PARD3B: variants seen among roughly 807,000 people sequenced by gnomAD.
PARD3B encodes partitioning defective 3 homolog B.
A neutral mutation model predicts 130.2 loss-of-function variants in PARD3B; 103 were observed. That is an observed-to-expected ratio of 0.79 (90% CI 0.67 to 0.93). The LOEUF (loss-of-function observed/expected upper bound fraction) is 0.93. Among genes scored for constraint, PARD3B ranks in the 40% least tolerant of loss-of-function variants. PARD3B has a pLI of 0.00. For missense variants in PARD3B, 1,609 were observed against 1,499.2 expected (o/e 1.07, Z -1.21); for synonymous variants, 583 against 553.2 (o/e 1.05, Z -0.76).
intron 1 of PARD3B, among the ~76,000 whole-genome samples, chr2:204,590,810 A>G (rs1402701190): frequency 6.6e-6 from 1 of 152,194 alleles, no homozygotes; most frequent in African/African-American, 2.4e-5. Context: ...TCTGACCTTC[A>G]CTTTTTAGGA....
At chr2:204,836,615 C>G (rs1013224489) in intron 2 of PARD3B, among the ~76,000 whole-genome samples, 3 of 152,116 alleles carry the variant, frequency 2.0e-5, no homozygotes, top group Non-Finnish European at 2.9e-5. Context: ...GCGCCAAGAT[C>G]GTGCCACTGC....
At position 205,280,500 on chromosome 2, in the gene PARD3B, C is replaced by T. The variant is rs1295416092; in HGVS notation, c.2186-20030C>T. 6.6e-6 allele frequency among the ~76,000 whole-genome samples: 1 copy of T among 152,200 alleles called. No individual in the cohort carries two copies. Among genetic ancestry groups the T allele is most frequent in the African/African-American group, 2.4e-5 (1 of 41,444 alleles). On this transcript the variant is annotated intron_variant, in intron 16 of 22. Coordinates refer to ENST00000406610, the MANE Select transcript of PARD3B (RefSeq NM_001302769.2). This position sits in a 1 kb window ranked among gnomAD's most constrained non-coding sequence, Gnocchi z 4.7. ...CAGAGTTCAGCCTGGGAGAAAGGAA[C>T]TATTGAAAACCTTTTCTGTTTCCTT...
chr2:205,563,303 A>C lies in PARD3B; in HGVS notation c.3260+9900A>C, dbSNP rs1395005345. Among the ~76,000 whole-genome samples, 2 of 152,206 alleles carry C rather than the reference A, an allele frequency of 1.3e-5. No individual in the cohort carries two copies. The highest frequency in any genetic ancestry group is 2.9e-5 in the Non-Finnish European group (2 of 68,036). The stretch of plus-strand genomic sequence containing the variant: ...CCTATTGCGTGCCTTCTATGTCTGT[A>C]CGTTTTGCATGCCTTGTCTCATTTT... On this transcript the variant is annotated intron_variant, in intron 22 of 22. Coordinates refer to ENST00000406610, the MANE Select transcript of PARD3B (RefSeq NM_001302769.2). This position sits in a 1 kb window ranked among gnomAD's most constrained non-coding sequence, Gnocchi z 4.2.
chr2:205,549,087 G>C (rs2052504462), intron 21 of PARD3B, among the ~76,000 whole-genome samples: 1 of 152,136 alleles, frequency 6.6e-6, no homozygotes, highest in Admixed American at 6.6e-5. Flanking sequence ...ACACCTATTA[G>C]AATGGCTACA....
chr2:205,567,135 C>T (rs902356603), intron 22 of PARD3B, among the ~76,000 whole-genome samples: 5 of 151,888 alleles, frequency 3.3e-5, no homozygotes, highest in Admixed American at 3.3e-4. Context: ...ATCCAATTTA[C>T]TCTCAAATGG....
chr2:205,363,350 T>C (rs1186347739), intron 18 of PARD3B, among the ~76,000 whole-genome samples: 1 of 152,146 alleles, frequency 6.6e-6, no homozygotes, highest in African/African-American at 2.4e-5. Flanking sequence ...GAGAGGGGCC[T>C]TACCCGCCAA....
At chr2:204,629,131 G>C (rs2034589801) in intron 1 of PARD3B, among the ~76,000 whole-genome samples, 1 of 152,044 alleles carries the variant, frequency 6.6e-6, no homozygotes, top group Non-Finnish European at 1.5e-5. Flanking sequence ...CTTTCACAGG[G>C]GAACAAAAGA....
At chr2:204,960,978 G>A (rs1257403686) in intron 2 of PARD3B, among the ~76,000 whole-genome samples, 1 of 152,158 alleles carries the variant, frequency 6.6e-6, no homozygotes, top group African/African-American at 2.4e-5. Context: ...GACTGTTTCT[G>A]GCAGAGAGAA....
At chr2:205,150,115 A>T (rs1220340228) in intron 10 of PARD3B, among the ~76,000 whole-genome samples, 6 of 152,060 alleles carry the variant, frequency 3.9e-5, no homozygotes, top group Non-Finnish European at 5.9e-5. Context: ...TGGGAATCTC[A>T]AGGACAGAGC....
At chr2:204,802,271 C>T (rs568564021) in intron 2 of PARD3B, among the ~76,000 whole-genome samples, 16 of 152,132 alleles carry the variant, frequency 1.1e-4, no homozygotes, top group Non-Finnish European at 1.8e-4. Flanking sequence ...TACAGAAATG[C>T]GAATCAAAAC....
chr2:204,804,877 A>T (rs1285063022), intron 2 of PARD3B, among the ~76,000 whole-genome samples: 1 of 152,126 alleles, frequency 6.6e-6, no homozygotes, highest in Non-Finnish European at 1.5e-5. Flanking sequence ...ATATGCTCCT[A>T]AATGGCTATT....
chr2:205,168,310 A>AGTGT (rs1277372189), intron 11 of PARD3B, among the ~76,000 whole-genome samples: 70 of 117,638 alleles, frequency 6.0e-4, no homozygotes, highest in Admixed American at 1.3e-3. Context: ...AGAGAGAGAG[A>AGTGT]GAGAGAGAGA....
chr2:205,272,864 A>C (rs893092454), intron 16 of PARD3B, among the ~76,000 whole-genome samples: 1 of 152,246 alleles, frequency 6.6e-6, no homozygotes, highest in Non-Finnish European at 1.5e-5. Flanking sequence ...AACCGCATGA[A>C]TATCTGGAGA....
chr2:205,541,439 C>T (rs926121904), intron 21 of PARD3B, among the ~76,000 whole-genome samples: 2 of 151,524 alleles, frequency 1.3e-5, no homozygotes, highest in Non-Finnish European at 2.9e-5. Context: ...ACCTCTACCT[C>T]CTGGCTTCAA....
chr2:205,279,079 A>AAAAAC lies in PARD3B; in HGVS notation c.2186-21447_2186-21446insCAAAA, dbSNP rs2041079620. Among the ~76,000 whole-genome samples the AAAAAC allele has an allele frequency of 2.8e-5, 4 of 144,466 alleles. 1 individual carries two copies. Among genetic ancestry groups the AAAAAC allele is most frequent in the Non-Finnish European group, 4.6e-5 (3 of 64,574 alleles). 94.8% of individuals were successfully genotyped at this position (144,466 alleles called of 152,430 possible). On this transcript the variant is annotated intron_variant, in intron 16 of 22. Transcript: ENST00000406610. ...GAGCAAGAATCTGTCTCAAAAAAAA[A>AAAAAC]AAAAAAAAAAAAAAAAACAGTTGTT...
chr2:205,255,150 C>G (rs914990479), intron 16 of PARD3B, among the ~76,000 whole-genome samples: 1 of 151,758 alleles, frequency 6.6e-6, no homozygotes, highest in African/African-American at 2.4e-5. Context: ...CTCTTGAAGA[C>G]GCACCTCCCA....
At chr2:204,573,383 C>T (rs779653774) in intron 1 of PARD3B, among the ~76,000 whole-genome samples, 11 of 152,318 alleles carry the variant, frequency 7.2e-5, no homozygotes, top group Non-Finnish European at 1.5e-4. Context: ...GTGACCTCAT[C>T]TGATGCCTAT....
At chr2:204,633,206 T>C (rs1277910764) in intron 1 of PARD3B, among the ~76,000 whole-genome samples, 5 of 152,174 alleles carry the variant, frequency 3.3e-5, no homozygotes, top group Non-Finnish European at 7.4e-5. Flanking sequence ...TTTATAATTA[T>C]GGTAAATTTC....
chr2:205,614,293 C>G (rs2055341722), intron 22 of PARD3B, among the ~76,000 whole-genome samples: 1 of 152,192 alleles, frequency 6.6e-6, no homozygotes, highest in East Asian at 1.9e-4. Context: ...CTGGATGTTT[C>G]TGTGTGCCTT....
Sources: gnomAD v4.1 joint callset for allele counts (sites outside exome capture counted in the v4.1 genomes callset) on GRCh38, gnomAD v4.1.1 for gene constraint, Gnocchi (gnomAD v3.1) non-coding constraint, MANE v1.5 for transcripts, NCBI Gene and HGNC (gene_info 2026-07-23, HGNC 2026-07-21) for gene names.